Variants in MCTP2 observed in about 807,000 individuals in gnomAD.
MCTP2 encodes the protein multiple C2 and transmembrane domain-containing protein 2.
In MCTP2, 132 loss-of-function variants were observed where a neutral mutation model predicts 111.6. The observed-to-expected ratio is 1.18, with a 90% CI of 1.03 to 1.37. The LOEUF is 1.37. Ranked by LOEUF, MCTP2 falls within the 40% of genes most tolerant of loss-of-function variation. MCTP2 has a pLI of 0.00. For missense variants in MCTP2, 1,183 were observed against 1,067.9 expected, an observed-to-expected ratio of 1.11 and a Z score of -1.50; for synonymous variants, 395 against 387.7, an observed-to-expected ratio of 1.02 and a Z score of -0.22.
At chr15:94,269,822 C>A (rs1375395497) in intron 1 of MCTP2, among the ~76,000 whole-genome samples, 3 of 152,118 alleles carry the variant, frequency 2.0e-5, no homozygotes, top group Admixed American at 2.0e-4. Context: ...ATGTTATTCT[C>A]TGGGCTTGGT....
intron 1 of MCTP2, among the ~76,000 whole-genome samples, chr15:94,285,677 G>T (rs949111249): frequency 6.6e-6 from 1 of 152,110 alleles, no homozygotes; most frequent in South Asian, 2.1e-4. Context: ...GAATGTTTCC[G>T]AAACCCTAGC....
rs1356859348 is a variant in MCTP2 at position 94,314,324 on chromosome 15, CAACATTTTGAAG to C, written c.513_524del (p.His171_Glu174del). 3.1e-6 allele frequency: 5 copies of C among 1,606,980 alleles called. No individual in the cohort carries two copies. Among genetic ancestry groups the C allele is most frequent in the Non-Finnish European group, 4.2e-6 (5 of 1,176,724 alleles). Reference sequence around the variant, plus strand: ...TGACCTGAATGCTTCTATGACATCTCAACATTTTGAAGAACAATCTGTGAGTGGCATTCCTTA... The same window carrying C: ...TGACCTGAATGCTTCTATGACATCTCAACAATCTGTGAGTGGCATTCCTTA... On this transcript the variant is annotated inframe_deletion, in exon 3 of 23. Coordinates refer to ENST00000357742, the MANE Select transcript of MCTP2 (RefSeq NM_001385001.1).
chr15:94,349,070 A>G (rs774655021), intron 8 of MCTP2, among the ~76,000 whole-genome samples: 11 of 149,158 alleles, frequency 7.4e-5, no homozygotes, highest in South Asian at 4.1e-4. Flanking sequence ...TCATCTGTCA[A>G]TCAATCAATC....
intron 21 of MCTP2, 148 bp from the exon 22 acceptor site, chr15:94,476,548 C>T (rs1332313179): frequency 3.8e-6 from 2 of 530,008 alleles, no homozygotes; most frequent in Non-Finnish European, 6.7e-6. Flanking sequence ...TATCCCCTCT[C>T]CCCCGAGTCA....
intron 17 of MCTP2, among the ~76,000 whole-genome samples, chr15:94,408,014 C>T (rs1289018377): frequency 6.6e-6 from 1 of 152,098 alleles, no homozygotes; most frequent in African/African-American, 2.4e-5. Flanking sequence ...TTTTGAGATT[C>T]GACTCATTAA....
intron 14 of MCTP2, among the ~76,000 whole-genome samples, chr15:94,385,936 T>G (rs1433732758): frequency 6.6e-6 from 1 of 152,236 alleles, no homozygotes; most frequent in East Asian, 1.9e-4. Flanking sequence ...AACTGCACAT[T>G]TGTTCTCAAT....
At chr15:94,451,610 TTCTG>T (rs1434476060) in intron 19 of MCTP2, among the ~76,000 whole-genome samples, 1 of 152,230 alleles carries the variant, frequency 6.6e-6, no homozygotes, top group Admixed American at 6.5e-5. Flanking sequence ...GTGACAGCAG[TTCTG>T]TCTTTCTGAA....
chr15:94,257,566 G>GTTTTTT (rs1220635423), intron 1 of MCTP2, among the ~76,000 whole-genome samples: 3 of 73,004 alleles, frequency 4.1e-5, no homozygotes, highest in Non-Finnish European at 8.0e-5. Flanking sequence ...CATTTTCTTT[G>GTTTTTT]TTGTTTTTTT....
chr15:94,440,243 T>C lies in MCTP2; in HGVS notation c.2153T>C (p.Val718Ala). The C allele has an allele frequency of 1.2e-6, 2 of 1,614,140 alleles. No individual in the cohort carries two copies. Among genetic ancestry groups the C allele is most frequent in the East Asian group, 2.2e-5 (1 of 44,880 alleles). ...MIPLALLLIF[V>A]YNFIRPVKGK... ...CCCTTGGCATTGTTGCTGATCTTTG[T>C]CTACAATTTCATCAGACCTGTGAAA... The change falls in exon 18 of 23, where the codon GTC (valine) becomes GCC (alanine). Residue 718 changes from valine (V) to alanine (A), a missense_variant. By Grantham distance (64) the Val-to-Ala change is moderately conservative. Coordinates refer to ENST00000357742, the MANE Select transcript of MCTP2 (RefSeq NM_001385001.1).
chr15:94,314,904 G>T, intron 3 of MCTP2: 1 of 376,196 alleles, frequency 2.7e-6, no homozygotes, highest in Non-Finnish European at 5.2e-6. Context: ...ACTAAGAGTG[G>T]GTGCCAGAGA....
chr15:94,278,290 A>T (rs1305165280), intron 1 of MCTP2: 1 of 152,150 alleles, frequency 6.6e-6, no homozygotes, highest in African/African-American at 2.4e-5. Context: ...TAATTATTAT[A>T]CGGTATTGAC....
intron 1 of MCTP2, among the ~76,000 whole-genome samples, chr15:94,273,186 G>A (rs946408944): frequency 3.3e-5 from 5 of 152,178 alleles, no homozygotes; most frequent in African/African-American, 1.2e-4. Flanking sequence ...GATAGAACAA[G>A]AAGATGAACA....
intron 22 of MCTP2, among the ~76,000 whole-genome samples, chr15:94,477,651 G>C (rs2074473935): frequency 6.6e-6 from 1 of 152,110 alleles, no homozygotes; most frequent in Non-Finnish European, 1.5e-5. Context: ...TCATATTTGA[G>C]CCACTGTAGC....
rs1251591842 is a variant in MCTP2, at chr15:94,243,924, C to CACACACACATGTATACACAT, written c.-66+12263_-66+12264insCACACATGTATACACATACA. 5.2e-4 allele frequency among the ~76,000 whole-genome samples: 57 copies of CACACACACATGTATACACAT among 108,718 alleles called. 3 individuals carry two copies. Among genetic ancestry groups the CACACACACATGTATACACAT allele is most frequent in the African/African-American group, 1.8e-3 (53 of 29,410 alleles). The allele number at this position is 108,718 out of a possible 152,430, so 71.3% of individuals were successfully genotyped here. A position where few individuals can be genotyped will look rare whatever the true frequency, so the allele number is the denominator to read the frequency against. On this transcript the variant is annotated intron_variant, in intron 1 of 22. Transcript: ENST00000357742. ...ACACATACATATGTGTATATATTTACACATATGTGTACACATACATATATG... is the reference window on the plus strand; with the variant it reads ...ACACATACATATGTGTATATATTTACACACACACATGTATACACATACATATGTGTACACATACATATATG...
At chr15:94,478,457 G>T (rs559278963) in intron 22 of MCTP2, among the ~76,000 whole-genome samples, 1 of 152,164 alleles carries the variant, frequency 6.6e-6, no homozygotes, top group South Asian at 2.1e-4. Flanking sequence ...TCATTACATT[G>T]CAAATGAAAT....
chr15:94,235,737 G>T (rs1328704912), intron 1 of MCTP2, among the ~76,000 whole-genome samples: 1 of 152,204 alleles, frequency 6.6e-6, no homozygotes, highest in Admixed American at 6.5e-5. Flanking sequence ...ATAGGAAATT[G>T]TCCGTAGTCA....
At chr15:94,244,607 C>T (rs541997710) in intron 1 of MCTP2, among the ~76,000 whole-genome samples, 4 of 145,174 alleles carry the variant, frequency 2.8e-5, no homozygotes, top group East Asian at 2.1e-4. Context: ...TGTTTATATA[C>T]GTATATGTAT....
At chr15:94,318,063 G>T (rs2076453089) in intron 4 of MCTP2, among the ~76,000 whole-genome samples, 1 of 152,142 alleles carries the variant, frequency 6.6e-6, no homozygotes, top group East Asian at 1.9e-4. Context: ...GTGTAGGGGT[G>T]CCTCCCACAG....
At chr15:94,269,486 T>A (rs2073791585) in intron 1 of MCTP2, among the ~76,000 whole-genome samples, 1 of 152,228 alleles carries the variant, frequency 6.6e-6, no homozygotes, top group African/African-American at 2.4e-5. Flanking sequence ...ATGTTTTCAA[T>A]GATTGCCTTA....
Sources: gnomAD v4.1 joint callset for allele counts (sites outside exome capture counted in the v4.1 genomes callset) on GRCh38, gnomAD v4.1.1 for gene constraint, MANE v1.5 for transcripts, NCBI Gene and HGNC (gene_info 2026-07-23, HGNC 2026-07-21) for gene names.